Variants in FGD4 observed in about 807,000 individuals in gnomAD.
FGD4 encodes FYVE, RhoGEF and PH domain-containing protein 4.
FGD4 carries 42 observed loss-of-function variants against 102.0 expected under a neutral mutation model. The ratio of observed to expected loss-of-function variants is 0.41; its 90% CI spans 0.32 to 0.53. The LOEUF (loss-of-function observed/expected upper bound fraction) is 0.53. Ranked by LOEUF, FGD4 falls within the 20% of genes least tolerant of loss-of-function variation. FGD4 has a pLI of 0.21. For synonymous variants in FGD4, 380 were observed against 375.7 expected (o/e 1.01, Z -0.13); for missense variants, 902 against 1,078.2 (o/e 0.84, Z 2.29).
intron 9 of FGD4, 125 bp downstream of exon 9, chr12:32,610,959 A>C: frequency 7.9e-7 from 1 of 1,272,514 alleles, no homozygotes; most frequent in South Asian, 1.3e-5. Flanking sequence ...TGTTTATGAA[A>C]TGTTTAATGT....
chr12:32,418,146 C>T lies in FGD4; in HGVS notation c.166+18187C>T, dbSNP rs372870508. On this transcript the variant is annotated intron_variant, in intron 1 of 16. Coordinates refer to ENST00000534526, the MANE Select transcript of FGD4 (RefSeq NM_001370298.3). ...TAATTTTTTGTATTTTTAGTAGAGA[C>T]GGGGTTTCGCTGTGTTAGCCAGGAT... 3.2e-4 allele frequency among the ~76,000 whole-genome samples: 49 copies of T among 151,808 alleles called. No individual in the cohort carries two copies. The South Asian group carries it at 4.4e-3, about 14-fold the overall frequency.
chr12:32,529,859 T>TA lies in FGD4; in HGVS notation c.167-34266dup, dbSNP rs993096878. ...CTCTGTCTAAAAAAAAAAAAAAATT[T>TA]AAAAAAAAAAAAGCTGACATTGCCA... On this transcript the variant is annotated intron_variant, in intron 1 of 16. Transcript: ENST00000534526. 3.8e-3 allele frequency among the ~76,000 whole-genome samples: 555 copies of TA among 145,670 alleles called. 1 individual carries two copies. Among genetic ancestry groups the TA allele is most frequent in the Non-Finnish European group, 4.9e-3 (326 of 65,918 alleles).
At chr12:32,589,790 C>CT (rs773690554) in intron 4 of FGD4, among the ~76,000 whole-genome samples, 2 of 152,144 alleles carry the variant, frequency 1.3e-5, no homozygotes, top group Non-Finnish European at 2.9e-5. Context: ...ACTTTTAACT[C>CT]TCCTTGAACC....
intron 1 of FGD4, among the ~76,000 whole-genome samples, chr12:32,526,442 G>A (rs1220927056): frequency 6.6e-6 from 1 of 152,146 alleles, no homozygotes; most frequent in Non-Finnish European, 1.5e-5. Context: ...GGAGAACCTG[G>A]GTGTGGAAAC....
At chr12:32,615,471 G>T (rs1401802706) in intron 10 of FGD4, among the ~76,000 whole-genome samples, 1 of 152,080 alleles carries the variant, frequency 6.6e-6, no homozygotes, top group East Asian at 1.9e-4. Flanking sequence ...ATTTAAAAAT[G>T]TGTATTTTTA....
At chr12:32,529,841 TA>T (rs78510499) in intron 1 of FGD4, among the ~76,000 whole-genome samples, 2,210 of 109,814 alleles carry the variant, frequency 0.02, 56 homozygotes, top group African/African-American at 0.067. Flanking sequence ...AGACTCTGTC[TA>T]AAAAAAAAAA....
intron 16 of FGD4, among the ~76,000 whole-genome samples, chr12:32,639,465 ATTTTGTT>A (rs1435835033): frequency 6.6e-6 from 1 of 152,178 alleles, no homozygotes; most frequent in African/African-American, 2.4e-5. Context: ...CGCCCAGCCA[ATTTTGTT>A]TTTTATTTTA....
At chr12:32,546,070 A>G (rs1317667959) in intron 1 of FGD4, among the ~76,000 whole-genome samples, 2 of 152,176 alleles carry the variant, frequency 1.3e-5, no homozygotes, top group Non-Finnish European at 2.9e-5. Context: ...TCTCACAACA[A>G]TATTTATTTC....
intron 1 of FGD4, among the ~76,000 whole-genome samples, chr12:32,467,598 T>A (rs935747800): frequency 9.9e-5 from 15 of 152,244 alleles, no homozygotes; most frequent in Admixed American, 3.9e-4. Context: ...AACCACAATT[T>A]TAAGTCTTCT....
chr12:32,474,195 G>A (rs1184626589), intron 1 of FGD4, among the ~76,000 whole-genome samples: 1 of 152,148 alleles, frequency 6.6e-6, no homozygotes, highest in Non-Finnish European at 1.5e-5. Context: ...AGTCTGGGTA[G>A]TTCTTTGAAG....
chr12:32,569,091 C>A (rs555025793), intron 2 of FGD4, among the ~76,000 whole-genome samples: 26 of 152,298 alleles, frequency 1.7e-4, no homozygotes, highest in African/African-American at 6.0e-4. Flanking sequence ...TGCCTCCCCT[C>A]TCTTTCTCTC....
chr12:32,428,430 T>TCTG (rs1565734563), intron 1 of FGD4, among the ~76,000 whole-genome samples: 1 of 152,238 alleles, frequency 6.6e-6, no homozygotes, highest in Admixed American at 6.5e-5. Context: ...TGCAGAGAGA[T>TCTG]CTGCTATTAG....
rs3076971 is a variant in FGD4, at chr12:32,435,498, A to AGTGTGTGTGTGTGTGTGTGTGTGT, written c.166+35559_166+35560insGTGTGTGTGTGTGTGTGTGTGTGT. On this transcript the variant is annotated intron_variant, in intron 1 of 16. Coordinates refer to ENST00000534526, the MANE Select transcript of FGD4 (RefSeq NM_001370298.3). ...AATAAATGCTAGCTACAATTAAAAAAGTGTGTGTGTGTGTGTGTGTTTTAA... is the reference window on the plus strand; with the variant it reads ...AATAAATGCTAGCTACAATTAAAAAAGTGTGTGTGTGTGTGTGTGTGTGTGTGTGTGTGTGTGTGTGTGTTTTAA... Among the ~76,000 whole-genome samples the AGTGTGTGTGTGTGTGTGTGTGTGT allele has an allele frequency of 2.1e-4, 32 of 149,716 alleles. 1 individual carries two copies. The highest frequency in any genetic ancestry group is 7.4e-4 in the African/African-American group (30 of 40,426).
chr12:32,522,811 G>A (rs1421085392), intron 1 of FGD4, among the ~76,000 whole-genome samples: 1 of 152,220 alleles, frequency 6.6e-6, no homozygotes, highest in African/African-American at 2.4e-5. Context: ...AATTGAGATT[G>A]CGTTCTAAGT....
chr12:32,600,342 A>G, intron 5 of FGD4: 1 of 647,156 alleles, frequency 1.5e-6, no homozygotes, highest in South Asian at 1.6e-5. Flanking sequence ...CTAGAGTCCT[A>G]ATTACTATAG....
Position 32,576,467 on chromosome 12 carries a change from A to G in FGD4, c.503+18A>G, listed in dbSNP as rs755897211. ...GGAGGCAGGTAAGAGCTAATTTACA[A>G]TGGGAGAAGGCAGGAGAAGAAGAAA... is the stretch of plus-strand genomic sequence containing the variant. On this transcript the variant is annotated intron_variant, in intron 3 of 16. Coordinates refer to ENST00000534526, the MANE Select transcript of FGD4 (RefSeq NM_001370298.3). 6 of 1,613,906 alleles carry G rather than the reference A, an allele frequency of 3.7e-6. No individual in the cohort carries two copies. In the East Asian group the frequency reaches 1.3e-4, roughly 36 times the overall value.
chr12:32,602,435 C>T, intron 7 of FGD4, 118 bp downstream of exon 7: 1 of 1,171,798 alleles, frequency 8.5e-7, no homozygotes, highest in Non-Finnish European at 1.3e-6. Context: ...AAAATTCATT[C>T]TACTCCAAAT....
intron 1 of FGD4, among the ~76,000 whole-genome samples, chr12:32,514,332 T>G (rs887869093): frequency 4.6e-5 from 7 of 152,160 alleles, no homozygotes; most frequent in African/African-American, 1.4e-4. Context: ...AAGGAAGTAT[T>G]TCAGTGTTAA....
At chr12:32,553,547 T>C (rs1403250646) in intron 1 of FGD4, among the ~76,000 whole-genome samples, 3 of 152,218 alleles carry the variant, frequency 2.0e-5, no homozygotes, top group African/African-American at 4.8e-5. Context: ...TTAAGAAAGA[T>C]AACAGTCAAA....
Sources: gnomAD v4.1 joint callset for allele counts (sites outside exome capture counted in the v4.1 genomes callset) on GRCh38, gnomAD v4.1.1 for gene constraint, MANE v1.5 for transcripts, NCBI Gene and HGNC (gene_info 2026-07-23, HGNC 2026-07-21) for gene names.